The following EXOC4 variants were observed in gnomAD, a reference collection of about 807,000 sequenced individuals.
EXOC4 encodes exocyst complex component 4, also known as SEC8-like 1.
EXOC4 carries 71 observed loss-of-function variants against 107.2 expected under a neutral mutation model. The ratio of observed to expected loss-of-function variants is 0.66; its 90% CI spans 0.55 to 0.81. EXOC4 has a LOEUF of 0.81. EXOC4 is among the 30% of genes least tolerant of loss of function. The pLI is 0.00. For missense variants in EXOC4, 1,108 were observed against 1,189.6 expected (o/e 0.93, Z 1.01); for synonymous variants, 456 against 441.2 (o/e 1.03, Z -0.42).
At chr7:133,658,596 G>C (rs763644) in intron 10 of EXOC4, among the ~76,000 whole-genome samples, 65,219 of 151,734 alleles carry the variant, frequency 0.43, 14,865 homozygotes, top group Admixed American at 0.57. Context: ...TGTCTTTGGG[G>C]TAACGCTGCA....
intron 14 of EXOC4, among the ~76,000 whole-genome samples, chr7:133,953,772 T>G (rs1261066738): frequency 6.6e-6 from 1 of 152,236 alleles, no homozygotes; most frequent in Non-Finnish European, 1.5e-5. Context: ...ATCAGCTGTT[T>G]ACAATGTTGG....
At chr7:133,998,215 G>C (rs1401144428) in intron 15 of EXOC4, among the ~76,000 whole-genome samples, 1 of 152,192 alleles carries the variant, frequency 6.6e-6, no homozygotes, top group Non-Finnish European at 1.5e-5. Context: ...GGAAGTGATT[G>C]AGGTATTCAG....
Position 133,619,962 on chromosome 7 carries a change from A to G in EXOC4, c.1418-10083A>G, listed in dbSNP as rs116922979. ...TACTTTCTTTCTCTGCGTGCTGCCT[A>G]CCTTCTCTGTCTCCCTGTTTTCTGT... On this transcript the variant is annotated intron_variant, in intron 9 of 17. Coordinates refer to ENST00000253861, the MANE Select transcript of EXOC4 (RefSeq NM_021807.4). 9.4e-3 allele frequency among the ~76,000 whole-genome samples: 1,410 copies of G among 149,618 alleles called. 9 individuals carry two copies. The highest frequency in any genetic ancestry group is 0.015 in the Non-Finnish European group (1,035 of 67,562).
intron 11 of EXOC4, among the ~76,000 whole-genome samples, chr7:133,857,325 GTATA>G (rs71162035): frequency 3.9e-4 from 1 of 2,596 alleles, no homozygotes; most frequent in Non-Finnish European, 6.1e-4. Context: ...ATATATACAC[GTATA>G]TATATATATA....
the EXOC4 span, among the ~76,000 whole-genome samples, chr7:134,086,810 AC>A: frequency 1.3e-5 from 2 of 152,160 alleles, no homozygotes; most frequent in East Asian, 3.9e-4. Flanking sequence ...GCTGCTGGTT[AC>A]CCATTTTTAT....
intron 9 of EXOC4, among the ~76,000 whole-genome samples, chr7:133,542,640 T>G (rs989533747): frequency 6.6e-6 from 1 of 151,982 alleles, no homozygotes; most frequent in Non-Finnish European, 1.5e-5. Context: ...AGAATAGGAC[T>G]GAGGAGGGGA....
chr7:133,277,391 T>C (rs771302101), intron 2 of EXOC4, among the ~76,000 whole-genome samples: 2 of 152,246 alleles, frequency 1.3e-5, no homozygotes, highest in Non-Finnish European at 2.9e-5. Context: ...ATTAGTCTGG[T>C]TGACTGAAAA....
At chr7:133,774,272 A>G (rs1265928117) in intron 10 of EXOC4, among the ~76,000 whole-genome samples, 2 of 152,110 alleles carry the variant, frequency 1.3e-5, no homozygotes, top group African/African-American at 4.8e-5. Context: ...ATATGTTACT[A>G]TAATGGTTCA....
chr7:133,593,969 T>A (rs1256654958), intron 9 of EXOC4, among the ~76,000 whole-genome samples: 1 of 152,180 alleles, frequency 6.6e-6, no homozygotes, highest in Non-Finnish European at 1.5e-5. Flanking sequence ...ATCAAAAAAA[T>A]GCCTGTGCCT....
At chr7:133,389,610 A>G (rs1175984264) in intron 7 of EXOC4, among the ~76,000 whole-genome samples, 19 of 146,972 alleles carry the variant, frequency 1.3e-4, no homozygotes, top group African/African-American at 4.0e-4. Flanking sequence ...GTCTTAAGTC[A>G]GGTTGAAGTT....
At chr7:133,307,472 A>G (rs555826734) in intron 4 of EXOC4, among the ~76,000 whole-genome samples, 232 of 152,302 alleles carry the variant, frequency 1.5e-3, no homozygotes, top group African/African-American at 5.4e-3. Context: ...TGGTCCTGTG[A>G]AAATATTCTG....
the EXOC4 span, among the ~76,000 whole-genome samples, chr7:134,088,619 G>A: frequency 8.6e-3 from 1,307 of 152,214 alleles, 15 homozygotes; most frequent in African/African-American, 0.03. Flanking sequence ...AAGTTGTTTC[G>A]TCTATTCTAA....
chr7:133,948,557 C>T (rs1800608472), intron 14 of EXOC4, among the ~76,000 whole-genome samples: 1 of 151,996 alleles, frequency 6.6e-6, no homozygotes, highest in African/African-American at 2.4e-5. Context: ...CCAGACAGCC[C>T]AGGAAAATGT....
At chr7:133,539,561 C>T (rs1198563454) in intron 9 of EXOC4, among the ~76,000 whole-genome samples, 1 of 149,032 alleles carries the variant, frequency 6.7e-6, no homozygotes, top group African/African-American at 2.5e-5. Context: ...TGTCTTAGTA[C>T]CTGTTAATCA....
chr7:134,003,084 G>T (rs976683233), intron 15 of EXOC4, among the ~76,000 whole-genome samples: 2 of 152,088 alleles, frequency 1.3e-5, no homozygotes, highest in East Asian at 3.9e-4. Context: ...ATCAATGGGC[G>T]AATAGATAAT....
At chr7:133,940,630 C>G (rs565133915) in intron 14 of EXOC4, among the ~76,000 whole-genome samples, 1 of 152,162 alleles carries the variant, frequency 6.6e-6, no homozygotes, top group East Asian at 1.9e-4. Context: ...TGGCTCACCC[C>G]CACTTATGTG....
chr7:133,667,028 C>G (rs567534562), intron 10 of EXOC4, among the ~76,000 whole-genome samples: 1 of 152,098 alleles, frequency 6.6e-6, no homozygotes, highest in Non-Finnish European at 1.5e-5. Context: ...CTTCCATTCT[C>G]TCTTAGCACT....
intron 10 of EXOC4, among the ~76,000 whole-genome samples, chr7:133,674,974 G>A (rs753550475): frequency 6.6e-6 from 1 of 152,058 alleles, no homozygotes; most frequent in Non-Finnish European, 1.5e-5. Context: ...ACTCAGGGAG[G>A]GAAAAGACTC....
At chr7:133,315,352 T>A (rs1355501141) in intron 4 of EXOC4, 1 of 152,270 alleles carries the variant, frequency 6.6e-6, no homozygotes, top group Non-Finnish European at 1.5e-5. Flanking sequence ...GGTGTTTGCC[T>A]CTCTTTTCGG....
Sources: gnomAD v4.1 joint callset for allele counts (sites outside exome capture counted in the v4.1 genomes callset) on GRCh38, gnomAD v4.1.1 for gene constraint, MANE v1.5 for transcripts, NCBI Gene and HGNC (gene_info 2026-07-23, HGNC 2026-07-21) for gene names.